RALYL: variants seen among roughly 807,000 people sequenced by gnomAD.
The protein encoded by RALYL is RALY RNA binding protein like.
A neutral mutation model predicts 35.1 loss-of-function variants in RALYL; 29 were observed. The observed-to-expected ratio is 0.83, with a 90% CI of 0.61 to 1.13. RALYL has a LOEUF of 1.13. Ranked by LOEUF, RALYL falls within the 50% of genes most tolerant of loss-of-function variation. The pLI, the probability that RALYL is intolerant of heterozygous loss-of-function variation, is 0.00. For missense variants in RALYL, 359 were observed against 360.4 expected (o/e 1.00, Z 0.03); for synonymous variants, 120 against 127.6 (o/e 0.94, Z 0.40).
intron 4 of RALYL, among the ~76,000 whole-genome samples, chr8:84,821,266 AAAAT>A (rs1391644186): frequency 6.6e-6 from 1 of 152,218 alleles, no homozygotes; most frequent in Non-Finnish European, 1.5e-5. Flanking sequence ...TCATAAAGAC[AAAAT>A]AGATATCATC....
intron 2 of RALYL, among the ~76,000 whole-genome samples, chr8:84,588,450 T>C (rs1032905241): frequency 2.6e-5 from 4 of 152,186 alleles, no homozygotes; most frequent in Admixed American, 2.6e-4. Context: ...GTATATATAA[T>C]GCACTTAGGA....
At chr8:84,212,552 G>A (rs551565161) in intron 1 of RALYL, among the ~76,000 whole-genome samples, 2 of 152,164 alleles carry the variant, frequency 1.3e-5, no homozygotes, top group East Asian at 3.9e-4. Flanking sequence ...AAAGCACAAA[G>A]GTTATTGCTT....
intron 8 of RALYL, among the ~76,000 whole-genome samples, chr8:84,915,916 C>G (rs1204332611): frequency 2.0e-5 from 3 of 152,106 alleles, no homozygotes; most frequent in African/African-American, 7.2e-5. Flanking sequence ...AAAACTATTA[C>G]TGCACTAACA....
intron 1 of RALYL, among the ~76,000 whole-genome samples, chr8:84,296,623 A>ATTTTTTTTTTTTTTTTTTTTTT (rs397891420): frequency 1.3e-5 from 1 of 76,644 alleles, no homozygotes; most frequent in Non-Finnish European, 2.5e-5. Flanking sequence ...TCTCTCTTGC[A>ATTTTTTTTTTTTTTTTTTTTTT]TTTTTTTTTT....
At chr8:84,782,011 T>G (rs897347213) in intron 3 of RALYL, among the ~76,000 whole-genome samples, 1 of 145,398 alleles carries the variant, frequency 6.9e-6, no homozygotes, top group Admixed American at 7.0e-5. Context: ...AGACAATACG[T>G]GCATGCTGTG....
At chr8:84,640,655 A>G (rs1025091516) in intron 2 of RALYL, among the ~76,000 whole-genome samples, 1 of 151,972 alleles carries the variant, frequency 6.6e-6, no homozygotes, top group African/African-American at 2.4e-5. Flanking sequence ...AATAGTTACA[A>G]CTGGAGGAAA....
chr8:84,638,221 C>A (rs893910700), intron 2 of RALYL, among the ~76,000 whole-genome samples: 1 of 151,864 alleles, frequency 6.6e-6, no homozygotes, highest in African/African-American at 2.4e-5. Context: ...ATTGGGTCAA[C>A]AATGAAATCT....
chr8:84,638,903 T>C (rs1381904510), intron 2 of RALYL, among the ~76,000 whole-genome samples: 2 of 48,330 alleles, frequency 4.1e-5, no homozygotes, highest in Admixed American at 2.6e-4. Flanking sequence ...TATATATATA[T>C]ATATATATAT....
At chr8:84,779,748 CAAGT>C (rs1817656307) in intron 3 of RALYL, among the ~76,000 whole-genome samples, 1 of 152,106 alleles carries the variant, frequency 6.6e-6, no homozygotes, top group African/African-American at 2.4e-5. Context: ...GAGCACAGAC[CAAGT>C]AAGGTGACTG....
chr8:84,620,931 T>G (rs544672210), intron 2 of RALYL, among the ~76,000 whole-genome samples: 141 of 152,254 alleles, frequency 9.3e-4, no homozygotes, highest in Middle Eastern at 3.4e-3. Flanking sequence ...GGGACCCACT[T>G]GAGGAGGCAG....
chr8:84,856,337 A>C (rs924278320), intron 5 of RALYL, among the ~76,000 whole-genome samples: 1 of 152,250 alleles, frequency 6.6e-6, no homozygotes, highest in African/African-American at 2.4e-5. Context: ...TAACCCCACA[A>C]CAACATTTGA....
intron 1 of RALYL, among the ~76,000 whole-genome samples, chr8:84,228,181 A>G: frequency 6.8e-6 from 1 of 146,114 alleles, no homozygotes; most frequent in East Asian, 2.0e-4. Flanking sequence ...AAAAAATGTG[A>G]TTGTGGTAGT....
At chr8:84,543,506 A>T (rs1235788025) in intron 2 of RALYL, among the ~76,000 whole-genome samples, 4 of 60,964 alleles carry the variant, frequency 6.6e-5, no homozygotes, top group African/African-American at 1.1e-4. Context: ...AAAAAAAATA[A>T]AAAAAAACAA....
intron 2 of RALYL, among the ~76,000 whole-genome samples, chr8:84,628,590 C>A (rs1823253567): frequency 6.6e-6 from 1 of 151,890 alleles, no homozygotes; most frequent in Non-Finnish European, 1.5e-5. Flanking sequence ...CAGTTAAATT[C>A]TGAAGAAATC....
At chr8:84,841,620 A>G (rs1483116832) in intron 4 of RALYL, among the ~76,000 whole-genome samples, 1 of 152,204 alleles carries the variant, frequency 6.6e-6, no homozygotes, top group African/African-American at 2.4e-5. Flanking sequence ...AAGAGGACCT[A>G]ATAGACATCT....
intron 2 of RALYL, among the ~76,000 whole-genome samples, chr8:84,596,232 C>T (rs1215946724): frequency 6.6e-6 from 1 of 152,056 alleles, no homozygotes; most frequent in African/African-American, 2.4e-5. Flanking sequence ...GCCCATTTAT[C>T]CAAATTGCTG....
chr8:84,391,922 A>T (rs1415240800), intron 1 of RALYL, among the ~76,000 whole-genome samples: 11 of 151,998 alleles, frequency 7.2e-5, no homozygotes, highest in Admixed American at 2.0e-4. Context: ...TGCATCTGTC[A>T]TCAACCCTTA....
chr8:84,658,408 T>G (rs946289636), intron 2 of RALYL, among the ~76,000 whole-genome samples: 4 of 152,160 alleles, frequency 2.6e-5, no homozygotes, highest in Non-Finnish European at 1.5e-5. Context: ...TTTATGAAAT[T>G]TATCATTCTT....
At chr8:84,803,433 T>C (rs906644859) in intron 3 of RALYL, among the ~76,000 whole-genome samples, 4 of 152,180 alleles carry the variant, frequency 2.6e-5, no homozygotes, top group South Asian at 2.1e-4. Context: ...CCTAGTTCTG[T>C]TTGCTTATGT....
Sources: allele counts gnomAD v4.1 joint callset (sites outside exome capture counted in the v4.1 genomes callset), GRCh38; gene constraint gnomAD v4.1.1; transcripts MANE v1.5; gene names NCBI Gene and HGNC (gene_info 2026-07-23, HGNC 2026-07-21).